KCNMA1: variants seen among roughly 807,000 people sequenced by gnomAD.
KCNMA1 encodes Calcium-activated potassium channel subunit alpha-1.
Under a neutral mutation model 140.0 loss-of-function variants are expected in KCNMA1, and 29 were observed. That is an observed-to-expected ratio of 0.21 (90% CI 0.15 to 0.28). The LOEUF is 0.28. KCNMA1 is among the 10% of genes least tolerant of loss of function. The pLI is 1.00. For synonymous variants in KCNMA1, 612 were observed against 611.9 expected (o/e 1.00, Z 0.00); for missense variants, 880 against 1,602.2 (o/e 0.55, Z 7.70).
At chr10:77,375,047 C>T (rs530591120) in intron 2 of KCNMA1, among the ~76,000 whole-genome samples, 1 of 151,762 alleles carries the variant, frequency 6.6e-6, no homozygotes, top group South Asian at 2.1e-4. Context: ...CATCCAAAAA[C>T]AGTTATGGCC....
chr10:76,925,641 T>C (rs1330946550), intron 23 of KCNMA1, among the ~76,000 whole-genome samples: 5 of 152,250 alleles, frequency 3.3e-5, no homozygotes, highest in Admixed American at 2.6e-4. Flanking sequence ...TTATAAACAG[T>C]TTCTTTATGT....
intron 1 of KCNMA1, among the ~76,000 whole-genome samples, chr10:77,441,927 G>A (rs2097411109): frequency 6.6e-6 from 1 of 152,078 alleles, no homozygotes; most frequent in Non-Finnish European, 1.5e-5. Context: ...CCTCCCTCCA[G>A]GCCATTGTCT....
At chr10:77,439,294 C>T (rs906682090) in intron 1 of KCNMA1, among the ~76,000 whole-genome samples, 3 of 152,196 alleles carry the variant, frequency 2.0e-5, no homozygotes, top group African/African-American at 7.2e-5. Flanking sequence ...ACAAATCTAT[C>T]CAAAGATTGT....
chr10:77,555,959 A>G (rs1005757378), intron 1 of KCNMA1, among the ~76,000 whole-genome samples: 6 of 152,348 alleles, frequency 3.9e-5, no homozygotes, highest in Middle Eastern at 6.8e-3. Context: ...TTGACACTCT[A>G]TAAAGCAGCA....
At chr10:76,959,362 C>T (rs751735362) in intron 20 of KCNMA1, among the ~76,000 whole-genome samples, 1 of 152,214 alleles carries the variant, frequency 6.6e-6, no homozygotes, top group Non-Finnish European at 1.5e-5. Flanking sequence ...AGTGGTTAAG[C>T]GCCCTGGCTC....
rs1247332083 is a variant in KCNMA1, at chr10:77,077,243, C to T, written c.1593+2238G>A. 2.6e-5 allele frequency among the ~76,000 whole-genome samples: 4 copies of T among 152,158 alleles called. No individual in the cohort carries two copies. In the South Asian group the frequency reaches 6.2e-4, roughly 24 times the overall value. ...ATGAAAGAACAACAACAACAAAATG[C>T]CCTGTGTCAAAGTCACTCTATTCCC... On this transcript the variant is annotated intron_variant, in intron 13 of 27. Coordinates refer to ENST00000286628, the MANE Select transcript of KCNMA1 (RefSeq NM_001161352.2).
chr10:77,347,189 T>A (rs2092297954), intron 2 of KCNMA1, among the ~76,000 whole-genome samples: 3 of 152,132 alleles, frequency 2.0e-5, no homozygotes. Flanking sequence ...CCTGATACAG[T>A]GTCATTGGGA....
rs1046301749 is a variant in KCNMA1 at position 76,918,756 on chromosome 10, A to G, written c.2903-3707T>C. On this transcript the variant is annotated intron_variant, in intron 23 of 27. Coordinates refer to ENST00000286628, the MANE Select transcript of KCNMA1 (RefSeq NM_001161352.2). ...ACCACTGGTTATCTACCCAGAGGAA[A>G]AGAAGTCATTATTCGAAAAAGATAC... Among the ~76,000 whole-genome samples the G allele has an allele frequency of 2.0e-5, 3 of 152,068 alleles. 1 individual carries two copies. The highest frequency in any genetic ancestry group is 1.5e-5 in the Non-Finnish European group (1 of 68,026).
Position 77,449,617 on chromosome 10 carries a change from C to T in KCNMA1, c.379-45594G>A, listed in dbSNP as rs770634923. Among the ~76,000 whole-genome samples, 13 of 149,242 alleles carry T rather than the reference C, an allele frequency of 8.7e-5. No individual in the cohort carries two copies. The Admixed American group carries it at 8.8e-4, about 10-fold the overall frequency. On this transcript the variant is annotated intron_variant, in intron 1 of 27. Coordinates refer to ENST00000286628, the MANE Select transcript of KCNMA1 (RefSeq NM_001161352.2). ...TATGTGTTACTTTTATTTCATTTCA[C>T]TTTTTCAATTTTTTTTTTAATTTTT...
intron 1 of KCNMA1, among the ~76,000 whole-genome samples, chr10:77,490,508 A>G (rs2098519268): frequency 6.6e-6 from 1 of 152,186 alleles, no homozygotes; most frequent in Admixed American, 6.5e-5. Flanking sequence ...TTGGGCAAAC[A>G]GTTTTTGCTA....
Position 77,509,679 on chromosome 10 carries a change from T to C in KCNMA1, c.379-105656A>G, listed in dbSNP as rs72807599. Among the ~76,000 whole-genome samples the C allele has an allele frequency of 5.2e-3, 787 of 152,370 alleles. 1 individual carries two copies. Among genetic ancestry groups the C allele is most frequent in the Non-Finnish European group, 9.5e-3 (643 of 68,040 alleles). Reference sequence around the variant, plus strand: ...TGTTGTTTTCCAACTTTTTTGATAATAGCCATCCTAATGGATATGCATTTT... The same window carrying C: ...TGTTGTTTTCCAACTTTTTTGATAACAGCCATCCTAATGGATATGCATTTT... On this transcript the variant is annotated intron_variant, in intron 1 of 27. Coordinates refer to ENST00000286628, the MANE Select transcript of KCNMA1 (RefSeq NM_001161352.2).
chr10:77,232,282 G>A (rs1278495081), intron 3 of KCNMA1, among the ~76,000 whole-genome samples: 1 of 152,188 alleles, frequency 6.6e-6, no homozygotes, highest in Admixed American at 6.5e-5. Context: ...ACCTAGGAGT[G>A]GAATGTACAT....
At chr10:77,020,824 T>A (rs2092749659) in intron 16 of KCNMA1, 1 of 152,174 alleles carries the variant, frequency 6.6e-6, no homozygotes, top group South Asian at 2.1e-4. Context: ...GGCTCTGCAA[T>A]CAGAATTTGG....
intron 2 of KCNMA1, among the ~76,000 whole-genome samples, chr10:77,365,586 C>T (rs549779170): frequency 6.6e-6 from 1 of 152,338 alleles, no homozygotes; most frequent in East Asian, 1.9e-4. Flanking sequence ...GATTCACCTT[C>T]TGTCCCTTCA....
At chr10:77,616,394 A>C (rs2089502891) in intron 1 of KCNMA1, among the ~76,000 whole-genome samples, 1 of 152,238 alleles carries the variant, frequency 6.6e-6, no homozygotes. Flanking sequence ...AGTAATAACT[A>C]ACACTTTCCT....
At chr10:77,089,824 G>C (rs1179525883) in intron 10 of KCNMA1, among the ~76,000 whole-genome samples, 1 of 152,174 alleles carries the variant, frequency 6.6e-6, no homozygotes, top group African/African-American at 2.4e-5. Flanking sequence ...GTTGAGTCAG[G>C]ATTCAGATCA....
At chr10:77,105,829 C>T (rs941884211) in intron 9 of KCNMA1, among the ~76,000 whole-genome samples, 2 of 152,190 alleles carry the variant, frequency 1.3e-5, no homozygotes, top group Non-Finnish European at 2.9e-5. Flanking sequence ...AGAATCCATG[C>T]TTGGTTGCTC....
chr10:77,329,211 C>T (rs1489993866), intron 2 of KCNMA1, among the ~76,000 whole-genome samples: 2 of 152,184 alleles, frequency 1.3e-5, no homozygotes, highest in African/African-American at 4.8e-5. Context: ...CATCAAAAAA[C>T]CCTTCATAAT....
chr10:76,996,527 G>A (rs553973518), intron 19 of KCNMA1, among the ~76,000 whole-genome samples: 2 of 152,292 alleles, frequency 1.3e-5, no homozygotes, highest in South Asian at 2.1e-4. Context: ...AAGACGCATG[G>A]GCCAGGGTAA....
Sources: allele counts gnomAD v4.1 joint callset (sites outside exome capture counted in the v4.1 genomes callset), GRCh38; gene constraint gnomAD v4.1.1; transcripts MANE v1.5; gene names NCBI Gene and HGNC (gene_info 2026-07-23, HGNC 2026-07-21).